The following COL10A1 variants were observed in gnomAD, a reference collection of about 807,000 sequenced individuals.
The protein encoded by COL10A1 is collagen alpha-1(X) chain.
A neutral mutation model predicts 18.2 loss-of-function variants in COL10A1; 10 were observed. The ratio of observed to expected loss-of-function variants is 0.55; its 90% CI spans 0.34 to 0.93. The LOEUF (loss-of-function observed/expected upper bound fraction) is 0.93, where lower values mean the gene tolerates loss of function less well. Ranked by LOEUF, COL10A1 falls within the 40% of genes least tolerant of loss-of-function variation. The pLI, the probability that COL10A1 is intolerant of heterozygous loss-of-function variation, is 0.02. For synonymous variants in COL10A1, 330 were observed against 316.6 expected (o/e 1.04, Z -0.45); for missense variants, 897 against 853.5 (o/e 1.05, Z -0.64).
the COL10A1 span, among the ~76,000 whole-genome samples, chr6:116,173,067 T>G: frequency 1.3e-5 from 2 of 152,220 alleles, no homozygotes; most frequent in South Asian, 4.1e-4. Context: ...GTCATTTTTA[T>G]GTTCTTCTAT....
At chr6:116,159,052 A>G (rs1780271484), upstream of COL10A1, among the ~76,000 whole-genome samples, 1 of 152,228 alleles carries the variant, frequency 6.6e-6, no homozygotes, top group Admixed American at 6.5e-5. Flanking sequence ...TCTAAATGAT[A>G]TGTACATTTT....
intron 1 of COL10A1, among the ~76,000 whole-genome samples, chr6:116,141,295 G>A (rs1016021409): frequency 6.6e-6 from 1 of 150,574 alleles, no homozygotes. Context: ...GGTTTTTTTA[G>A]TATTCTTACA....
chr6:116,205,981 C>T, the COL10A1 span, among the ~76,000 whole-genome samples: 3 of 152,096 alleles, frequency 2.0e-5, no homozygotes, highest in East Asian at 5.8e-4. Context: ...TTTCTCTGCT[C>T]AGTCCTTTGA....
In COL10A1 at chr6:116,120,590, G is replaced by A. The variant is rs1298063802; in HGVS notation, c.1526C>T (p.Pro509Leu). ...GHSGEPGLPGPPGPPGPPGQA... is the reference protein window; with the variant it reads ...GHSGEPGLPGLPGPPGPPGQA... ...ACCTGGTGGGCCTGGAGGCCCAGGG[G>A]GCCCTGGAAGACCAGGCTCTCCAGA... Residue 509 changes from proline to leucine, a missense_variant, in exon 3 of 3, where the codon CCC (proline) becomes CTC (leucine). Transcript: ENST00000651968. 2 of 1,587,592 alleles carry A rather than the reference G, an allele frequency of 1.3e-6. No individual in the cohort carries two copies. Among genetic ancestry groups the A allele is most frequent in the East Asian group, 2.2e-5 (1 of 44,700 alleles).
chr6:116,215,351 C>G, the COL10A1 span, among the ~76,000 whole-genome samples: 3 of 152,082 alleles, frequency 2.0e-5, no homozygotes, highest in Non-Finnish European at 2.9e-5. Flanking sequence ...TACTGTGGAG[C>G]CTAAGCTGAC....
At chr6:116,127,097 C>T (rs1375530954), upstream of COL10A1, among the ~76,000 whole-genome samples, 1 of 152,120 alleles carries the variant, frequency 6.6e-6, no homozygotes, top group Non-Finnish European at 1.5e-5. Context: ...ATTGACTATG[C>T]AGGTGAACTG....
In COL10A1 at chr6:116,120,221, T is replaced by C. The variant is rs755537132; in HGVS notation, c.1895A>G (p.Tyr632Cys). The change falls in exon 3 of 3, where the codon TAC (tyrosine) becomes TGC (cysteine). Residue 632 changes from tyrosine (Y) to cysteine (C), a missense_variant. Transcript: ENST00000651968. Reference sequence around the variant, plus strand: ...GGCACTCCCTGAAGCCTGATCCAGGTAGCCTTTGGTGTATTCATCATAGGT... The same window carrying C: ...GGCACTCCCTGAAGCCTGATCCAGGCAGCCTTTGGTGTATTCATCATAGGT... ...MYTYDEYTKG[Y>C]LDQASGSAII... 6.2e-7 allele frequency: 1 copy of C among 1,614,176 alleles called. No individual in the cohort carries two copies. The highest frequency in any genetic ancestry group is 1.1e-5 in the South Asian group (1 of 91,084).
upstream of COL10A1, among the ~76,000 whole-genome samples, chr6:116,163,061 A>C (rs548655019): frequency 6.4e-4 from 93 of 146,326 alleles, 2 homozygotes; most frequent in East Asian, 9.1e-3. Context: ...CGGGAGGTGG[A>C]GCTTGCAGTG....
At chr6:116,151,262 G>A (rs1315637580) in intron 1 of COL10A1, among the ~76,000 whole-genome samples, 1 of 152,158 alleles carries the variant, frequency 6.6e-6, no homozygotes, top group African/African-American at 2.4e-5. Flanking sequence ...ATCAGAATAT[G>A]TGGGCCTGTG....
At chr6:116,169,861 G>A in the COL10A1 span, among the ~76,000 whole-genome samples, 4 of 152,176 alleles carry the variant, frequency 2.6e-5, no homozygotes, top group Non-Finnish European at 4.4e-5. Flanking sequence ...GATTGAGCAA[G>A]TGATAATCCA....
At chr6:116,194,252 C>T in the COL10A1 span, among the ~76,000 whole-genome samples, 6 of 152,042 alleles carry the variant, frequency 3.9e-5, no homozygotes, top group East Asian at 3.9e-4. Flanking sequence ...TTTCAAATGA[C>T]GGAGTTTATA....
intron 1 of COL10A1, among the ~76,000 whole-genome samples, chr6:116,133,758 C>T (rs1399811168): frequency 6.6e-6 from 1 of 152,198 alleles, no homozygotes; most frequent in Non-Finnish European, 1.5e-5. Flanking sequence ...CTGGTTCCTG[C>T]CTCTTGCCCA....
the COL10A1 span, among the ~76,000 whole-genome samples, chr6:116,196,063 C>T: frequency 1.3e-5 from 2 of 152,004 alleles, no homozygotes; most frequent in Non-Finnish European, 2.9e-5. Context: ...AGGGGCTAAA[C>T]TTGACATTCT....
At chr6:116,159,502 T>TA (rs1455580098), upstream of COL10A1, among the ~76,000 whole-genome samples, 2 of 152,340 alleles carry the variant, frequency 1.3e-5, no homozygotes, top group Admixed American at 1.3e-4. Flanking sequence ...TTTTCACCAT[T>TA]ATATCTGTCG....
the COL10A1 span, among the ~76,000 whole-genome samples, chr6:116,213,730 A>C: frequency 6.6e-6 from 1 of 152,030 alleles, no homozygotes; most frequent in Non-Finnish European, 1.5e-5. Flanking sequence ...CTAAAAACTA[A>C]TGCTACTTTG....
At chr6:116,152,541 G>C (rs1236318766) in intron 1 of COL10A1, among the ~76,000 whole-genome samples, 2 of 152,156 alleles carry the variant, frequency 1.3e-5, no homozygotes, top group Admixed American at 6.5e-5. Flanking sequence ...TGACTCCTGT[G>C]TACTGGATTT....
chr6:116,168,103 A>T, the COL10A1 span, among the ~76,000 whole-genome samples: 1,254 of 144,002 alleles, frequency 8.7e-3, 22 homozygotes, highest in African/African-American at 0.029. Flanking sequence ...TTTTTTTTTT[A>T]AATTCTCCTT....
chr6:116,121,996 G>T, intron 2 of COL10A1, 35 bp from the exon 3 acceptor site: 1 of 1,570,302 alleles, frequency 6.4e-7, no homozygotes, highest in East Asian at 2.2e-5. Flanking sequence ...ACCCATAGAA[G>T]GGGATGGTTA....
At chr6:116,186,026 T>G in the COL10A1 span, among the ~76,000 whole-genome samples, 1 of 152,118 alleles carries the variant, frequency 6.6e-6, no homozygotes. Flanking sequence ...CTTTCAAGAT[T>G]TAGAGCTTCT....
Sources: gnomAD v4.1 joint callset for allele counts (sites outside exome capture counted in the v4.1 genomes callset) on GRCh38, gnomAD v4.1.1 for gene constraint, MANE v1.5 for transcripts, NCBI Gene and HGNC (gene_info 2026-07-23, HGNC 2026-07-21) for gene names.